SLC14A2: variants seen among roughly 807,000 people sequenced by gnomAD.
SLC14A2 encodes the protein urea transporter 2.
In SLC14A2, 91 loss-of-function variants were observed where a neutral mutation model predicts 104.6. The observed-to-expected ratio is 0.87, with a 90% confidence interval of 0.73 to 1.04. SLC14A2 has a LOEUF of 1.04. Ranked by LOEUF, SLC14A2 falls within the 50% of genes least tolerant of loss-of-function variation. The pLI is 0.00. For synonymous variants in SLC14A2, 476 were observed against 466.4 expected, an observed-to-expected ratio of 1.02 and a Z score of -0.27; for missense variants, 1,189 against 1,156.0, an observed-to-expected ratio of 1.03 and a Z score of -0.41.
At chr18:45,656,023 A>G (rs146337333) in intron 10 of SLC14A2, among the ~76,000 whole-genome samples, 227 of 152,240 alleles carry the variant, frequency 1.5e-3, no homozygotes, top group Middle Eastern at 3.4e-3. Context: ...CAATGCTCAA[A>G]CTCAAAGGAT....
chr18:45,289,785 G>T (rs1265223203), intron 1 of SLC14A2, among the ~76,000 whole-genome samples: 2 of 152,122 alleles, frequency 1.3e-5, no homozygotes, highest in African/African-American at 4.8e-5. Context: ...TATAAGAAGT[G>T]CCAATGTGTC....
chr18:45,338,682 CAAA>C (rs59474827), intron 1 of SLC14A2, among the ~76,000 whole-genome samples: 200 of 51,738 alleles, frequency 3.9e-3, no homozygotes, highest in East Asian at 0.012. Flanking sequence ...CACTGGCTCA[CAAA>C]AAAAAAAAAA....
intron 1 of SLC14A2, among the ~76,000 whole-genome samples, chr18:45,290,889 C>T (rs1484471906): frequency 6.6e-6 from 1 of 152,154 alleles, no homozygotes; most frequent in Non-Finnish European, 1.5e-5. Context: ...TACAACTTCT[C>T]TAATTTGGAA....
intron 1 of SLC14A2, among the ~76,000 whole-genome samples, chr18:45,414,757 A>AAT (rs71177674): frequency 8.0e-4 from 61 of 76,014 alleles, no homozygotes; most frequent in East Asian, 2.6e-3. Flanking sequence ...AAAAAAAAAA[A>AAT]ATATATATAT....
intron 1 of SLC14A2, among the ~76,000 whole-genome samples, chr18:45,458,131 G>A (rs1470140080): frequency 6.6e-6 from 1 of 152,220 alleles, no homozygotes; most frequent in Non-Finnish European, 1.5e-5. Context: ...AGACAGAGAA[G>A]AAATGCCTGC....
intron 1 of SLC14A2, among the ~76,000 whole-genome samples, chr18:45,368,416 C>T (rs997315343): frequency 6.6e-6 from 1 of 152,150 alleles, no homozygotes; most frequent in Non-Finnish European, 1.5e-5. Context: ...TAGATCCATT[C>T]GTAGCTTTTC....
chr18:45,603,811 G>C lies in SLC14A2; in HGVS notation c.-34-20820G>C, dbSNP rs565544028. Among the ~76,000 whole-genome samples the C allele has an allele frequency of 2.0e-5, 3 of 152,322 alleles. No homozygotes were observed. The East Asian group carries it at 5.8e-4, about 29-fold the overall frequency. The stretch of plus-strand genomic sequence containing the variant: ...TGTTTTTCAAAAGAAGATACCTGAA[G>C]TGGTCTGTGCTTACCCCAAAGGAGT... On this transcript the variant is annotated intron_variant, in intron 2 of 20. Transcript: ENST00000586448.
chr18:45,550,465 T>C (rs893527798), intron 2 of SLC14A2, among the ~76,000 whole-genome samples: 2 of 152,170 alleles, frequency 1.3e-5, no homozygotes, highest in Non-Finnish European at 2.9e-5. Flanking sequence ...TCACAGTCTG[T>C]CTCCTCCACT....
intron 2 of SLC14A2, among the ~76,000 whole-genome samples, chr18:45,526,029 G>C (rs775297262): frequency 2.0e-5 from 3 of 152,154 alleles, no homozygotes; most frequent in Non-Finnish European, 4.4e-5. Flanking sequence ...GTAAATAAAA[G>C]CATCATTTTA....
chr18:45,376,970 T>C (rs1009528893), intron 1 of SLC14A2, among the ~76,000 whole-genome samples: 18 of 152,216 alleles, frequency 1.2e-4, no homozygotes, highest in Admixed American at 3.3e-4. Flanking sequence ...TTGTTAACCT[T>C]GCTGTCCTCT....
intron 10 of SLC14A2, among the ~76,000 whole-genome samples, chr18:45,656,982 A>T (rs145807441): frequency 6.6e-6 from 1 of 152,300 alleles, no homozygotes; most frequent in East Asian, 1.9e-4. Context: ...CCTTCCAAGT[A>T]ATTTTATCTC....
rs2085366211 is a variant in SLC14A2, at chr18:45,339,010, C to T, written c.-125+125819C>T. 2.0e-5 allele frequency among the ~76,000 whole-genome samples: 3 copies of T among 151,840 alleles called. 1 individual carries two copies. The South Asian group carries it at 6.2e-4, about 32-fold the overall frequency. On this transcript the variant is annotated intron_variant, in intron 1 of 20. Transcript: ENST00000586448. ...GGAGTGCAGTGGTGTGATCTTTGCT[C>T]ACTGCAGCCTCCTCCTCCGGGGTTC... is the stretch of plus-strand genomic sequence containing the variant.
intron 1 of SLC14A2, among the ~76,000 whole-genome samples, chr18:45,222,827 T>C (rs777605004): frequency 2.0e-5 from 3 of 152,194 alleles, no homozygotes; most frequent in Admixed American, 6.5e-5. Context: ...CCTACTCATA[T>C]AAAGCAGCCA....
At chr18:45,638,527 G>A (rs956002456) in intron 6 of SLC14A2, among the ~76,000 whole-genome samples, 4 of 152,050 alleles carry the variant, frequency 2.6e-5, no homozygotes, top group African/African-American at 7.2e-5. Context: ...ATCTCCCATC[G>A]CACACTAGAC....
At chr18:45,679,557 G>A (rs1276692460) in intron 19 of SLC14A2, among the ~76,000 whole-genome samples, 1 of 152,176 alleles carries the variant, frequency 6.6e-6, no homozygotes, top group Non-Finnish European at 1.5e-5. Context: ...AGGAGCCCAT[G>A]CTGGCCCCCA....
At chr18:45,231,665 A>ATG (rs2084176031) in intron 1 of SLC14A2, among the ~76,000 whole-genome samples, 1 of 152,218 alleles carries the variant, frequency 6.6e-6, no homozygotes, top group South Asian at 2.1e-4. Context: ...TCCATTACAT[A>ATG]GTCCTTTAAT....
At chr18:45,432,000 C>A (rs1232230437) in intron 1 of SLC14A2, among the ~76,000 whole-genome samples, 1 of 152,124 alleles carries the variant, frequency 6.6e-6, no homozygotes, top group African/African-American at 2.4e-5. Context: ...GTACACACAA[C>A]CCCTGGTTTA....
At chr18:45,355,173 T>C (rs1276774926) in intron 1 of SLC14A2, among the ~76,000 whole-genome samples, 1 of 152,166 alleles carries the variant, frequency 6.6e-6, no homozygotes, top group Non-Finnish European at 1.5e-5. Context: ...AATTGACCTT[T>C]CGCAAGGAGA....
chr18:45,645,978 A>G (rs12455675), intron 10 of SLC14A2, among the ~76,000 whole-genome samples: 56,197 of 152,000 alleles, frequency 0.37, 11,476 homozygotes, highest in South Asian at 0.5. Context: ...TGGTGACAGC[A>G]TGAAGACCCT....
Sources: gnomAD v4.1 joint callset for allele counts (sites outside exome capture counted in the v4.1 genomes callset) on GRCh38, gnomAD v4.1.1 for gene constraint, MANE v1.5 for transcripts, NCBI Gene and HGNC (gene_info 2026-07-23, HGNC 2026-07-21) for gene names.